SLC5A11: variants seen among roughly 807,000 people sequenced by gnomAD.
SLC5A11 encodes sodium/myo-inositol cotransporter 2.
In SLC5A11, 48 loss-of-function variants were observed where a neutral mutation model predicts 69.8. The observed-to-expected ratio is 0.69, with a 90% CI of 0.55 to 0.87. The LOEUF is 0.87. Ranked by LOEUF, SLC5A11 falls within the 40% of genes least tolerant of loss-of-function variation. SLC5A11 has a pLI of 0.00. For missense variants in SLC5A11, 784 were observed against 866.1 expected (o/e 0.91, Z 1.19); for synonymous variants, 319 against 342.4 (o/e 0.93, Z 0.75).
intron 3 of SLC5A11, among the ~76,000 whole-genome samples, chr16:24,867,636 C>T (rs1430276676): frequency 1.3e-5 from 2 of 151,648 alleles, no homozygotes; most frequent in East Asian, 1.9e-4. Flanking sequence ...TTAAGAAAAA[C>T]AAGACAGAAG....
At chr16:24,889,152 A>G (rs1230532447) in intron 8 of SLC5A11, among the ~76,000 whole-genome samples, 1 of 151,926 alleles carries the variant, frequency 6.6e-6, no homozygotes, top group Non-Finnish European at 1.5e-5. Context: ...CAAACCAAGA[A>G]AAAAAGAGAA....
At chr16:24,875,570 G>GC in intron 5 of SLC5A11, 57 bp from the exon 7 acceptor site, 2 of 1,413,502 alleles carry the variant, frequency 1.4e-6, no homozygotes, top group Non-Finnish European at 9.9e-7. Flanking sequence ...TTGTGTGGGG[G>GC]GGTCACGTGC....
At chr16:24,900,917 CTA>C (rs1491188207) in intron 10 of SLC5A11, among the ~76,000 whole-genome samples, 2 of 124,014 alleles carry the variant, frequency 1.6e-5, no homozygotes, top group Non-Finnish European at 3.2e-5. Flanking sequence ...GACCCTATCT[CTA>C]AAAAAAAAAA....
intron 6 of SLC5A11, 113 bp downstream of exon 7, chr16:24,875,844 G>C (rs1329442797): frequency 4.6e-5 from 39 of 844,652 alleles, no homozygotes; most frequent in Admixed American, 8.7e-5. Context: ...TCTTTCATAG[G>C]CTGCAGGGAG....
chr16:24,910,194 C>T lies in SLC5A11; in HGVS notation c.1651-112C>T. 4 of 1,037,948 alleles carry T rather than the reference C, an allele frequency of 3.9e-6. 1 individual carries two copies. In the South Asian group the frequency reaches 6.4e-5, roughly 17 times the overall value. The allele number at this position is 1,037,948 out of a possible 1,614,324, so 64.3% of individuals were successfully genotyped here. On this transcript the variant is annotated intron_variant, in intron 14 of 15. Transcript: ENST00000347898. ...TGGGGTGGGAGGGTGGGGCTGGGAG[C>T]AGATTCAGACACAAAGGCTGAGTGT... is the stretch of plus-strand genomic sequence containing the variant.
intron 1 of SLC5A11, among the ~76,000 whole-genome samples, chr16:24,851,469 C>T (rs2059304095): frequency 6.6e-6 from 1 of 152,030 alleles, no homozygotes; most frequent in South Asian, 2.1e-4. Context: ...CGCTTGAAGC[C>T]AGGAGGCAGA....
chr16:24,907,881 G>A (rs904478071), intron 12 of SLC5A11, 82 bp from the exon 14 acceptor site: 16 of 1,567,076 alleles, frequency 1.0e-5, no homozygotes, highest in Middle Eastern at 1.8e-4. Flanking sequence ...ACAAGACCCT[G>A]TCTATTAAAA....
chr16:24,872,371 T>C lies in SLC5A11; in HGVS notation c.372+152T>C. 3 of 878,236 alleles carry C rather than the reference T, an allele frequency of 3.4e-6. No individual in the cohort carries two copies. The South Asian group carries it at 4.5e-5, about 13-fold the overall frequency. The allele number at this position is 878,236 out of a possible 1,614,324, so 54.4% of individuals were successfully genotyped here. On this transcript the variant is annotated intron_variant, in intron 5 of 15. Coordinates refer to ENST00000347898, the Ensembl canonical transcript of SLC5A11. ...AGGCCCCAGTAAAGGGGAGGGATGATCCACAGGTGAGACAATGAGGAACCC... is the reference window on the plus strand; with the variant it reads ...AGGCCCCAGTAAAGGGGAGGGATGACCCACAGGTGAGACAATGAGGAACCC...
intron 1 of SLC5A11, among the ~76,000 whole-genome samples, chr16:24,854,435 T>A (rs2152225269): frequency 1.3e-5 from 2 of 152,134 alleles, no homozygotes; most frequent in South Asian, 4.2e-4. Context: ...GTAAAGTTTT[T>A]TTTTTTTTTC....
exon 2 of SLC5A11, chr16:24,858,729 T>C (rs763589503): frequency 1.2e-6 from 2 of 1,612,014 alleles, no homozygotes; most frequent in Non-Finnish European, 1.7e-6. Flanking sequence ...CCTGGGGACA[T>C]CGCGGTGCTA....
exon 4 of SLC5A11, chr16:24,869,959 G>T (rs752544142): frequency 6.2e-7 from 1 of 1,614,096 alleles, no homozygotes; most frequent in East Asian, 2.2e-5. Context: ...GGCCTGGCAG[G>T]GTCAGGTGCT....
chr16:24,908,935 C>A (rs1265341926), exon 14 of SLC5A11: 1 of 1,613,936 alleles, frequency 6.2e-7, no homozygotes, highest in Non-Finnish European at 8.5e-7. Context: ...TAGGCTGGTC[C>A]TGGACTTTAT....
chr16:24,867,955 G>A (rs1249781022), intron 3 of SLC5A11, among the ~76,000 whole-genome samples: 2 of 151,716 alleles, frequency 1.3e-5, no homozygotes, highest in East Asian at 1.9e-4. Context: ...TGGGCAACAC[G>A]GTGAAACCCC....
chr16:24,876,775 A>G (rs2047703281), intron 6 of SLC5A11, among the ~76,000 whole-genome samples: 1 of 152,200 alleles, frequency 6.6e-6, no homozygotes, highest in African/African-American at 2.4e-5. Flanking sequence ...TTGGCCCTCC[A>G]GACGGAAGCA....
intron 3 of SLC5A11, among the ~76,000 whole-genome samples, chr16:24,868,836 C>G (rs561712849): frequency 2.1e-4 from 31 of 151,134 alleles, no homozygotes; most frequent in African/African-American, 6.8e-4. Flanking sequence ...TCCTCTTTTT[C>G]TTCTTGCTCC....
At chr16:24,911,186 AG>A (rs1360373873) in intron 15 of SLC5A11, 141 bp from the exon 17 acceptor site, 1 of 677,178 alleles carries the variant, frequency 1.5e-6, no homozygotes. Flanking sequence ...AAAAAAAAAA[AG>A]GGAGATTTCA....
At position 24,900,196 on chromosome 16, in the gene SLC5A11, C is replaced by A. The variant is rs79037119; in HGVS notation, c.1006+2087C>A. On this transcript the variant is annotated intron_variant, in intron 10 of 15. Transcript: ENST00000347898. The stretch of plus-strand genomic sequence containing the variant: ...TACAGAAGAAAGCTCCTCTCTTTTC[C>A]CCTGAAACAGTGAGCTTTCCAGTGT... Among the ~76,000 whole-genome samples the A allele has an allele frequency of 6.2e-3, 951 of 152,216 alleles. 11 individuals are homozygous for A. The highest frequency in any genetic ancestry group is 0.022 in the African/African-American group (906 of 41,534).
exon 12 of SLC5A11, chr16:24,907,033 G>A (rs751763982): frequency 6.2e-7 from 1 of 1,613,980 alleles, no homozygotes; most frequent in Non-Finnish European, 8.5e-7. Context: ...AGGGCTCCGT[G>A]GGCTGATGAT....
chr16:24,862,847 AC>A (rs1274822601), intron 3 of SLC5A11, among the ~76,000 whole-genome samples, 175 bp downstream of exon 4: 4 of 149,762 alleles, frequency 2.7e-5, no homozygotes, highest in African/African-American at 9.8e-5. Flanking sequence ...ACAAAAAAAA[AC>A]AATTTGTCAC....
Sources: gnomAD v4.1 joint callset for allele counts (sites outside exome capture counted in the v4.1 genomes callset) on GRCh38, gnomAD v4.1.1 for gene constraint, MANE v1.5 for transcripts, NCBI Gene and HGNC (gene_info 2026-07-23, HGNC 2026-07-21) for gene names.